The following ST6GALNAC5 variants were observed in gnomAD, a reference collection of about 807,000 sequenced individuals.
ST6GALNAC5 encodes alpha-N-acetylgalactosaminide alpha-2,6-sialyltransferase 5.
Under a neutral mutation model 33.6 loss-of-function variants are expected in ST6GALNAC5, and 27 were observed. The ratio of observed to expected loss-of-function variants is 0.80; its 90% CI spans 0.59 to 1.11. The LOEUF (loss-of-function observed/expected upper bound fraction) is 1.11. Ranked by LOEUF, ST6GALNAC5 falls within the 50% of genes least tolerant of loss-of-function variation. The pLI is 0.00. For missense variants in ST6GALNAC5, 428 were observed against 454.0 expected, an observed-to-expected ratio of 0.94 and a Z score of 0.52; for synonymous variants, 194 against 171.2, an observed-to-expected ratio of 1.13 and a Z score of -1.04.
At position 76,906,683 on chromosome 1, in the gene ST6GALNAC5, T is replaced by C. The variant is rs569084707; in HGVS notation, c.261+37941T>C. ...GTTCTCTTAAATAGGAAGGTGTATATGTTTGGAAATTGGACTTGTCTCTTT... is the reference window on the plus strand; with the variant it reads ...GTTCTCTTAAATAGGAAGGTGTATACGTTTGGAAATTGGACTTGTCTCTTT... On this transcript the variant is annotated intron_variant, in intron 2 of 4. Coordinates refer to ENST00000477717, the MANE Select transcript of ST6GALNAC5 (RefSeq NM_030965.3). 3.2e-4 allele frequency among the ~76,000 whole-genome samples: 49 copies of C among 152,284 alleles called. No individual in the cohort carries two copies. In the South Asian group the frequency reaches 9.8e-3, roughly 30 times the overall value.
At chr1:77,015,466 C>T (rs975042769) in intron 2 of ST6GALNAC5, among the ~76,000 whole-genome samples, 2 of 152,088 alleles carry the variant, frequency 1.3e-5, no homozygotes, top group Non-Finnish European at 2.9e-5. Flanking sequence ...CTCTGTGAAC[C>T]CTGTAGCTCA....
chr1:77,025,391 G>A lies in ST6GALNAC5; in HGVS notation c.262-18813G>A, dbSNP rs769239686. ...TTACTAAAAACACAAAAATTAGCCA[G>A]GTGTGGTGGCAGATGCCTGTAATTC... On this transcript the variant is annotated intron_variant, in intron 2 of 4. Coordinates refer to ENST00000477717, the MANE Select transcript of ST6GALNAC5 (RefSeq NM_030965.3). Among the ~76,000 whole-genome samples the A allele has an allele frequency of 2.1e-4, 32 of 152,086 alleles. 1 individual carries two copies. Among genetic ancestry groups the A allele is most frequent in the Non-Finnish European group, 4.6e-4 (31 of 68,020 alleles).
chr1:76,923,275 C>T (rs1429446883), intron 2 of ST6GALNAC5, among the ~76,000 whole-genome samples: 1 of 136,356 alleles, frequency 7.3e-6, no homozygotes, highest in African/African-American at 2.5e-5. Context: ...AACAATATTA[C>T]CTAATGAAAA....
chr1:77,063,098 A>T lies in ST6GALNAC5; in HGVS notation c.903A>T (p.Lys301Asn). The change falls in exon 5 of 5, where the codon AAA (lysine) becomes AAT (asparagine). Residue 301 changes from lysine (K) to asparagine (N), a missense_variant. By Grantham distance (94) the Lys-to-Asn change is moderately conservative (BLOSUM62 0). Transcript: ENST00000477717. ...GTCATCACCGCTTTATCACAGAGAA[A>T]CGAGTCTTTAAGAACTGGGCACGGA... ...KGSHHRFITEKRVFKNWARTF... is the reference protein window; with the variant it reads ...KGSHHRFITENRVFKNWARTF... The T allele has an allele frequency of 6.2e-7, 1 of 1,613,928 alleles. No individual in the cohort carries two copies. The highest frequency in any genetic ancestry group is 8.5e-7 in the Non-Finnish European group (1 of 1,179,878).
chr1:77,041,712 G>A (rs994659013), intron 2 of ST6GALNAC5, among the ~76,000 whole-genome samples: 1 of 152,194 alleles, frequency 6.6e-6, no homozygotes, highest in South Asian at 2.1e-4. Flanking sequence ...CTGGAATGTG[G>A]CACTTCCTAA....
chr1:76,948,986 G>C (rs185727619), intron 2 of ST6GALNAC5, among the ~76,000 whole-genome samples: 6 of 152,216 alleles, frequency 3.9e-5, no homozygotes, highest in Admixed American at 3.3e-4. Context: ...TCCATCCTGA[G>C]GCTGTGCTTC....
chr1:76,918,649 C>T (rs1647000449), intron 2 of ST6GALNAC5, among the ~76,000 whole-genome samples: 1 of 151,114 alleles, frequency 6.6e-6, no homozygotes, highest in Non-Finnish European at 1.5e-5. Flanking sequence ...AATGAGGCTC[C>T]AAGATGAGCA....
At chr1:76,893,947 C>T (rs756399344) in intron 2 of ST6GALNAC5, among the ~76,000 whole-genome samples, 84 of 152,216 alleles carry the variant, frequency 5.5e-4, no homozygotes, top group Non-Finnish European at 4.4e-4. Flanking sequence ...GAATGAGCCA[C>T]CGCGCCCAGC....
chr1:77,036,499 C>T (rs1338309996), intron 2 of ST6GALNAC5, among the ~76,000 whole-genome samples: 1 of 152,218 alleles, frequency 6.6e-6, no homozygotes, highest in Non-Finnish European at 1.5e-5. Flanking sequence ...ATTTCCTGCA[C>T]CTCCCTCTGA....
intron 2 of ST6GALNAC5, among the ~76,000 whole-genome samples, chr1:77,023,118 G>C (rs1278095700): frequency 2.0e-5 from 3 of 152,174 alleles, no homozygotes; most frequent in Non-Finnish European, 4.4e-5. Flanking sequence ...GAGAAGGCAG[G>C]CCCCTGCAAG....
intron 2 of ST6GALNAC5, among the ~76,000 whole-genome samples, chr1:76,880,108 G>C (rs1237482330): frequency 6.6e-6 from 1 of 152,160 alleles, no homozygotes; most frequent in African/African-American, 2.4e-5. Context: ...TTTGTCCACT[G>C]AACTTAGGAC....
chr1:76,869,996 G>A (rs916906662), intron 2 of ST6GALNAC5, among the ~76,000 whole-genome samples: 2 of 152,142 alleles, frequency 1.3e-5, no homozygotes, highest in Non-Finnish European at 2.9e-5. Flanking sequence ...GTGGAATTTT[G>A]CAATGAGAAG....
At chr1:76,970,762 T>A (rs12084440) in intron 2 of ST6GALNAC5, among the ~76,000 whole-genome samples, 14,189 of 152,200 alleles carry the variant, frequency 0.093, 1,543 homozygotes, top group African/African-American at 0.26. Context: ...AGTAACTATT[T>A]TTTTTAGTAT....
intron 2 of ST6GALNAC5, among the ~76,000 whole-genome samples, chr1:76,979,539 C>T (rs1366482296): frequency 6.6e-6 from 1 of 152,140 alleles, no homozygotes; most frequent in Non-Finnish European, 1.5e-5. Context: ...AGAGCAGCCT[C>T]TTCAATAAAT....
intron 2 of ST6GALNAC5, among the ~76,000 whole-genome samples, chr1:76,951,450 A>C (rs982643717): frequency 6.6e-6 from 1 of 152,148 alleles, no homozygotes; most frequent in African/African-American, 2.4e-5. Flanking sequence ...CAGGGAGGGA[A>C]ACATCACACA....
chr1:76,870,336 G>A (rs1259239416), intron 2 of ST6GALNAC5, among the ~76,000 whole-genome samples: 1 of 152,154 alleles, frequency 6.6e-6, no homozygotes, highest in Non-Finnish European at 1.5e-5. Context: ...GATTTCCATG[G>A]CTATTGTTTG....
rs944010482 is a variant in ST6GALNAC5 at position 76,867,565 on chromosome 1, T to C, written c.-111T>C. 8.2e-6 allele frequency: 13 copies of C among 1,579,836 alleles called. No individual in the cohort carries two copies. The highest frequency in any genetic ancestry group is 4.1e-5 in the African/African-American group (3 of 74,068). ...CGCGCGATCTGCCGCGGCCGGCTGC[T>C]GGGCAAAAATCAGAGCCGCCTCCGC... On this transcript the variant is annotated 5_prime_UTR_variant, in exon 1 of 5. Transcript: ENST00000477717.
chr1:76,915,354 A>G (rs1019868378), intron 2 of ST6GALNAC5, among the ~76,000 whole-genome samples: 14 of 152,204 alleles, frequency 9.2e-5, no homozygotes, highest in Admixed American at 9.2e-4. Context: ...TATATACCCA[A>G]AGGACTATAA....
chr1:76,980,809 G>C (rs147540239), intron 2 of ST6GALNAC5, among the ~76,000 whole-genome samples: 25 of 152,108 alleles, frequency 1.6e-4, no homozygotes, highest in African/African-American at 5.8e-4. Flanking sequence ...ACCTTGATTA[G>C]GTATGGATTC....
Sources: gnomAD v4.1 joint callset for allele counts (sites outside exome capture counted in the v4.1 genomes callset) on GRCh38, gnomAD v4.1.1 for gene constraint, MANE v1.5 for transcripts, NCBI Gene and HGNC (gene_info 2026-07-23, HGNC 2026-07-21) for gene names.